The following FHIT variants were observed in gnomAD, a reference collection of about 807,000 sequenced individuals.
FHIT encodes fragile histidine triad diadenosine triphosphatase.
In FHIT, 19 loss-of-function variants were observed where a neutral mutation model predicts 17.9. The ratio of observed to expected loss-of-function variants is 1.06; its 90% confidence interval spans 0.74 to 1.56. The LOEUF (loss-of-function observed/expected upper bound fraction) is 1.56. FHIT is among the 40% of genes most tolerant of loss of function. The pLI is 0.00. For synonymous variants in FHIT, 81 were observed against 69.7 expected (o/e 1.16, Z -0.81); for missense variants, 248 against 189.2 (o/e 1.31, Z -1.82).
intron 7 of FHIT, among the ~76,000 whole-genome samples, chr3:59,946,868 G>C (rs890836513): frequency 2.0e-5 from 3 of 152,124 alleles, no homozygotes; most frequent in Non-Finnish European, 4.4e-5. Context: ...AAGCCTACTT[G>C]ATCATAGTGG....
At chr3:60,408,442 A>G (rs1701952386) in intron 5 of FHIT, among the ~76,000 whole-genome samples, 1 of 152,188 alleles carries the variant, frequency 6.6e-6, no homozygotes, top group Non-Finnish European at 1.5e-5. Context: ...GAAGTCCACT[A>G]AAACCCAGTG....
At chr3:60,346,134 G>A (rs778327676) in intron 5 of FHIT, among the ~76,000 whole-genome samples, 6 of 152,142 alleles carry the variant, frequency 3.9e-5, no homozygotes, top group East Asian at 3.9e-4. Context: ...CCATGTCTGC[G>A]CCCAAATACA....
At chr3:60,641,227 T>C (rs1553685215) in intron 4 of FHIT, among the ~76,000 whole-genome samples, 2 of 152,088 alleles carry the variant, frequency 1.3e-5, no homozygotes, top group African/African-American at 2.4e-5. Flanking sequence ...CAAGTATAGG[T>C]TGATCATCAT....
intron 2 of FHIT, among the ~76,000 whole-genome samples, chr3:61,178,691 A>G (rs938017062): frequency 2.6e-5 from 4 of 152,106 alleles, no homozygotes; most frequent in African/African-American, 9.7e-5. Flanking sequence ...AACCTGTACA[A>G]GAATAAACCT....
chr3:60,956,984 G>C (rs1709197086), intron 3 of FHIT, among the ~76,000 whole-genome samples: 1 of 152,022 alleles, frequency 6.6e-6, no homozygotes, highest in Non-Finnish European at 1.5e-5. Context: ...TCACAGAAGG[G>C]CTCATGGTCA....
chr3:60,183,682 C>G (rs553758040), intron 5 of FHIT, among the ~76,000 whole-genome samples: 1 of 152,080 alleles, frequency 6.6e-6, no homozygotes, highest in Non-Finnish European at 1.5e-5. Flanking sequence ...TAAGTGATGC[C>G]GACACCCTCT....
chr3:60,525,047 C>T (rs2107574656), intron 5 of FHIT, among the ~76,000 whole-genome samples: 1 of 152,264 alleles, frequency 6.6e-6, no homozygotes, highest in African/African-American at 2.4e-5. Context: ...GGAACCTTGT[C>T]AATCACTGTG....
intron 5 of FHIT, among the ~76,000 whole-genome samples, chr3:60,178,082 T>C (rs1423427090): frequency 6.6e-6 from 1 of 152,182 alleles, no homozygotes; most frequent in Non-Finnish European, 1.5e-5. Flanking sequence ...TTAGCTATTA[T>C]ATAAAACACT....
intron 5 of FHIT, among the ~76,000 whole-genome samples, chr3:60,465,426 A>T (rs796244992): frequency 2.0e-5 from 3 of 152,050 alleles, no homozygotes; most frequent in African/African-American, 7.2e-5. Flanking sequence ...TGCTTTGGTT[A>T]ACTGTGTTTG....
Position 61,105,757 on chromosome 3 carries a change from T to C in FHIT, c.-163-63658A>G, listed in dbSNP as rs2106869597. Among the ~76,000 whole-genome samples, 2 of 152,284 alleles carry C rather than the reference T, an allele frequency of 1.3e-5. 1 individual carries two copies. Among genetic ancestry groups the C allele is most frequent in the South Asian group, 4.1e-4 (2 of 4,826 alleles). On this transcript the variant is annotated intron_variant, in intron 2 of 9. Coordinates refer to ENST00000492590, the MANE Select transcript of FHIT (RefSeq NM_002012.4). The stretch of plus-strand genomic sequence containing the variant: ...CACTTGGGATCCTTCACAACCAGCC[T>C]ATCAACATAATTTGGGAAAAGTTAT...
chr3:60,073,561 G>GAAATAGGGTTTTGAAATGAGAGAGAGCAA (rs1702875480), intron 5 of FHIT, among the ~76,000 whole-genome samples: 1 of 152,082 alleles, frequency 6.6e-6, no homozygotes, highest in Admixed American at 6.6e-5. Context: ...CTTCAAAAGA[G>GAAATAGGGTTTTGAAATGAGAGAGAGCAA]ACGCTGATAT....
chr3:60,095,309 G>T (rs1703900215), intron 5 of FHIT, among the ~76,000 whole-genome samples: 1 of 152,126 alleles, frequency 6.6e-6, no homozygotes, highest in South Asian at 2.1e-4. Context: ...AAGATCTGTA[G>T]AAAGTCTTGA....
rs537065602 is a variant in FHIT, at chr3:60,756,583, C to T, written c.-18+65336G>A. 4.6e-5 allele frequency among the ~76,000 whole-genome samples: 7 copies of T among 151,984 alleles called. No individual in the cohort carries two copies. The South Asian group carries it at 1.3e-3, about 27-fold the overall frequency. Reference sequence around the variant, plus strand: ...AGACTAATAAAATGGGTTGGGGAGACGGTATTGATGAAGAAGCAGCCGGAG... The same window carrying T: ...AGACTAATAAAATGGGTTGGGGAGATGGTATTGATGAAGAAGCAGCCGGAG... On this transcript the variant is annotated intron_variant, in intron 4 of 9. Coordinates refer to ENST00000492590, the MANE Select transcript of FHIT (RefSeq NM_002012.4).
intron 4 of FHIT, among the ~76,000 whole-genome samples, chr3:60,656,514 G>A (rs1399909746): frequency 2.0e-5 from 3 of 152,024 alleles, no homozygotes; most frequent in Non-Finnish European, 2.9e-5. Flanking sequence ...CCATTCAAAC[G>A]CACATCCTCC....
intron 5 of FHIT, among the ~76,000 whole-genome samples, chr3:60,029,928 T>TGTGTGTGTGTGTGA (rs56924673): frequency 7.4e-4 from 112 of 151,038 alleles, no homozygotes; most frequent in African/African-American, 2.6e-3. Flanking sequence ...TGTGTGTGTG[T>TGTGTGTGTGTGTGA]ACAAATGTGA....
At chr3:59,843,119 C>A (rs534973671) in intron 8 of FHIT, among the ~76,000 whole-genome samples, 6 of 152,072 alleles carry the variant, frequency 3.9e-5, no homozygotes, top group Non-Finnish European at 7.4e-5. Context: ...TAATTGTATT[C>A]TTTTGCACTT....
chr3:60,725,347 T>A (rs181187583), intron 4 of FHIT, among the ~76,000 whole-genome samples: 1 of 152,232 alleles, frequency 6.6e-6, no homozygotes, highest in East Asian at 1.9e-4. Flanking sequence ...GCACCGTAGC[T>A]AAGAAACCAT....
chr3:60,825,938 C>T (rs563843144), intron 3 of FHIT, among the ~76,000 whole-genome samples: 1 of 152,070 alleles, frequency 6.6e-6, no homozygotes, highest in Admixed American at 6.5e-5. Flanking sequence ...GAGGGAAGGA[C>T]AGGACATTAT....
At chr3:59,961,700 G>A (rs1707692111) in intron 7 of FHIT, among the ~76,000 whole-genome samples, 1 of 152,140 alleles carries the variant, frequency 6.6e-6, no homozygotes, top group Admixed American at 6.5e-5. Flanking sequence ...CCCAAGTGAG[G>A]CGACACCCCA....
Sources: allele counts gnomAD v4.1 joint callset (sites outside exome capture counted in the v4.1 genomes callset), GRCh38; gene constraint gnomAD v4.1.1; transcripts MANE v1.5; gene names NCBI Gene and HGNC (gene_info 2026-07-23, HGNC 2026-07-21).